MRPS6: variants seen among roughly 807,000 people sequenced by gnomAD.
MRPS6 encodes mitochondrial ribosomal protein S6, also known as small ribosomal subunit protein bS6m.
MRPS6 carries 6 observed loss-of-function variants against 13.1 expected under a neutral mutation model. The observed-to-expected ratio is 0.46, with a 90% CI of 0.25 to 0.91. The LOEUF (loss-of-function observed/expected upper bound fraction) is 0.91. Ranked by LOEUF, MRPS6 falls within the 40% of genes least tolerant of loss-of-function variation. MRPS6 has a pLI of 0.18. For missense variants in MRPS6, 164 were observed against 155.6 expected (o/e 1.05, Z -0.29); for synonymous variants, 61 against 56.5 (o/e 1.08, Z -0.36).
intron 1 of MRPS6, among the ~76,000 whole-genome samples, chr21:34,118,074 AT>A (rs1445494178): frequency 1.3e-5 from 2 of 152,072 alleles, no homozygotes; most frequent in East Asian, 1.9e-4. Flanking sequence ...AATTTGGGGT[AT>A]TTTTGTTTTT....
intron 1 of MRPS6, chr21:34,101,965 G>GT (rs1569418714): frequency 1.0e-6 from 1 of 999,902 alleles, no homozygotes; most frequent in Non-Finnish European, 1.2e-6. Flanking sequence ...TGCCAAAAAG[G>GT]TTTTTTTGCA....
chr21:34,080,913 T>C (rs1989444758), intron 1 of MRPS6, among the ~76,000 whole-genome samples: 1 of 152,256 alleles, frequency 6.6e-6, no homozygotes, highest in African/African-American at 2.4e-5. Flanking sequence ...GTGAGTTGTA[T>C]GTTACCAGAA....
chr21:34,077,092 G>C (rs374753683), intron 1 of MRPS6, among the ~76,000 whole-genome samples: 3 of 152,220 alleles, frequency 2.0e-5, no homozygotes, highest in Admixed American at 6.5e-5. Flanking sequence ...GGTAGATGAG[G>C]AGAAGGGGTC....
intron 2 of MRPS6, among the ~76,000 whole-genome samples, chr21:34,128,677 C>G (rs1214297501): frequency 6.6e-6 from 1 of 152,318 alleles, no homozygotes; most frequent in East Asian, 1.9e-4. Context: ...CCCAGTGGAA[C>G]AACTTGATGG....
At chr21:34,076,084 C>T (rs2148650781) in intron 1 of MRPS6, among the ~76,000 whole-genome samples, 1 of 152,268 alleles carries the variant, frequency 6.6e-6, no homozygotes, top group Admixed American at 6.5e-5. Context: ...CTTTCCTCCC[C>T]AAATCATTTG....
chr21:34,114,413 T>C (rs942820562), intron 1 of MRPS6, among the ~76,000 whole-genome samples: 3 of 152,178 alleles, frequency 2.0e-5, no homozygotes, highest in Non-Finnish European at 4.4e-5. Context: ...CCAGAGTCAT[T>C]CATCTTTGGG....
intron 2 of MRPS6, among the ~76,000 whole-genome samples, chr21:34,130,291 C>A (rs1264183162): frequency 6.6e-6 from 1 of 152,196 alleles, no homozygotes; most frequent in East Asian, 1.9e-4. Flanking sequence ...AAAGAAAATA[C>A]AACCTTTACA....
intron 1 of MRPS6, among the ~76,000 whole-genome samples, chr21:34,110,346 C>CCCAGCTACTCAAGAGG (rs556305926): frequency 6.6e-6 from 1 of 152,092 alleles, no homozygotes; most frequent in African/African-American, 2.4e-5. Flanking sequence ...CACCTGTAGT[C>CCCAGCTACTCAAGAGG]CCAGCTACTC....
At chr21:34,106,212 T>C in intron 1 of MRPS6, 1 of 971,962 alleles carries the variant, frequency 1.0e-6, no homozygotes, top group Non-Finnish European at 1.2e-6. Context: ...AATTATTTTA[T>C]GGAAATGTTA....
At chr21:34,125,523 T>G in intron 2 of MRPS6, 43 bp downstream of exon 2, 1 of 1,608,998 alleles carries the variant, frequency 6.2e-7, no homozygotes, top group Non-Finnish European at 8.5e-7. Context: ...TTTGATAGGC[T>G]CAGTAAAGAG....
chr21:34,104,912 T>C, intron 1 of MRPS6: 2 of 1,000,182 alleles, frequency 2.0e-6, no homozygotes, highest in Non-Finnish European at 2.4e-6. Flanking sequence ...GCCTTTCATC[T>C]ATAATTTCAT....
At chr21:34,127,020 C>A (rs909557071) in intron 2 of MRPS6, among the ~76,000 whole-genome samples, 2 of 152,200 alleles carry the variant, frequency 1.3e-5, no homozygotes, top group African/African-American at 4.8e-5. Context: ...GAGGAGCCCA[C>A]TGGGACCAAG....
At chr21:34,141,040 G>A (rs1339882336) in intron 2 of MRPS6, among the ~76,000 whole-genome samples, 1 of 152,178 alleles carries the variant, frequency 6.6e-6, no homozygotes, top group Non-Finnish European at 1.5e-5. Flanking sequence ...TACACAAAAT[G>A]CCATCCCTTT....
chr21:34,086,014 C>T (rs1782999), intron 1 of MRPS6, among the ~76,000 whole-genome samples: 149,173 of 152,328 alleles, frequency 0.98, 73,116 homozygotes, highest in South Asian at 1. Flanking sequence ...GTCTACAGTT[C>T]TGGTTGACTC....
chr21:34,125,676 G>A (rs1429058974), intron 2 of MRPS6, among the ~76,000 whole-genome samples, 196 bp downstream of exon 2: 2 of 152,134 alleles, frequency 1.3e-5, no homozygotes, highest in Non-Finnish European at 2.9e-5. Flanking sequence ...TATGATCTGA[G>A]TTCAAAACTA....
In MRPS6 at chr21:34,142,806, A is replaced by AT; in HGVS notation, c.*206_*207insT. 2.1e-6 allele frequency: 1 copy of AT among 469,760 alleles called. No homozygotes were observed. Among genetic ancestry groups the AT allele is most frequent in the East Asian group, 3.6e-5 (1 of 27,870 alleles). The allele number at this position is 469,760 out of a possible 1,614,324, so 29.1% of individuals were successfully genotyped here. A position where few individuals can be genotyped will look rare whatever the true frequency, so the allele number is the denominator to read the frequency against. On this transcript the variant is annotated 3_prime_UTR_variant, in exon 3 of 3. Transcript: ENST00000399312. The stretch of plus-strand genomic sequence containing the variant: ...TGACAGCTTCTCTGTAACCTGCAGT[A>AT]CCAGTGGATCGTTCTTGATTTTGTT...
intron 2 of MRPS6, among the ~76,000 whole-genome samples, chr21:34,128,770 C>T (rs1422124891): frequency 6.6e-6 from 1 of 152,192 alleles, no homozygotes; most frequent in African/African-American, 2.4e-5. Flanking sequence ...CATGCGTGTT[C>T]AGCTGAGGAC....
chr21:34,092,963 ACTGCG>A (rs1978780576), intron 1 of MRPS6, among the ~76,000 whole-genome samples: 2 of 152,212 alleles, frequency 1.3e-5, no homozygotes, highest in African/African-American at 4.8e-5. Context: ...GGGTTTCATA[ACTGCG>A]AACAGCAGTT....
At chr21:34,118,906 A>G (rs1980025216) in intron 1 of MRPS6, among the ~76,000 whole-genome samples, 1 of 152,106 alleles carries the variant, frequency 6.6e-6, no homozygotes, top group African/African-American at 2.4e-5. Context: ...TCTATCTTTG[A>G]CCTTTACAAA....
Sources: gnomAD v4.1 joint callset for allele counts (sites outside exome capture counted in the v4.1 genomes callset) on GRCh38, gnomAD v4.1.1 for gene constraint, MANE v1.5 for transcripts, NCBI Gene and HGNC (gene_info 2026-07-23, HGNC 2026-07-21) for gene names.